The following DLGAP2 variants were observed in gnomAD, a reference collection of about 807,000 sequenced individuals.
The protein encoded by DLGAP2 is disks large-associated protein 2.
In DLGAP2, 26 loss-of-function variants were observed where a neutral mutation model predicts 100.3. The ratio of observed to expected loss-of-function variants is 0.26; its 90% CI spans 0.19 to 0.36. The LOEUF (loss-of-function observed/expected upper bound fraction) is 0.36. Ranked by LOEUF, DLGAP2 falls within the 10% of genes least tolerant of loss-of-function variation. The pLI is 1.00. For synonymous variants in DLGAP2, 886 were observed against 630.1 expected (o/e 1.41, Z -6.08); for missense variants, 1,858 against 1,453.2 (o/e 1.28, Z -4.53).
chr8:1,342,225 G>T (rs1184053404), intron 3 of DLGAP2, among the ~76,000 whole-genome samples: 1 of 152,106 alleles, frequency 6.6e-6, no homozygotes, highest in Non-Finnish European at 1.5e-5. Context: ...GGGATTACAG[G>T]TGTGAGCCAC....
Position 1,352,291 on chromosome 8 carries a change from AG to A in DLGAP2, c.106+93409del, listed in dbSNP as rs1446895190. ...GTGTGGAAAGGACGTGCGGGTCCTG[AG>A]CGTGTGTGTGGAAAGGCCGTGCGGG... is the stretch of plus-strand genomic sequence containing the variant. On this transcript the variant is annotated intron_variant, in intron 3 of 14. Coordinates refer to ENST00000637795, the MANE Select transcript of DLGAP2 (RefSeq NM_001346810.2). Among the ~76,000 whole-genome samples the A allele has an allele frequency of 3.5e-3, 129 of 37,076 alleles. 5 individuals carry two copies. Among genetic ancestry groups the A allele is most frequent in the African/African-American group, 9.5e-3 (98 of 10,336 alleles). The allele number at this position is 37,076 out of a possible 152,430, so 24.3% of individuals were successfully genotyped here.
chr8:1,231,707 TA>T (rs1431608055), intron 2 of DLGAP2, among the ~76,000 whole-genome samples: 2 of 152,184 alleles, frequency 1.3e-5, no homozygotes, highest in Non-Finnish European at 2.9e-5. Context: ...GTCATTATAC[TA>T]AAAGAACTAA....
intron 2 of DLGAP2, among the ~76,000 whole-genome samples, chr8:1,042,196 C>G (rs879331031): frequency 4.6e-5 from 7 of 152,166 alleles, no homozygotes; most frequent in Non-Finnish European, 7.3e-5. Context: ...CCTTGTCCGG[C>G]TTTCCCAGGG....
chr8:1,527,393 C>T (rs1800830700), intron 4 of DLGAP2, among the ~76,000 whole-genome samples: 1 of 152,226 alleles, frequency 6.6e-6, no homozygotes, highest in Non-Finnish European at 1.5e-5. Context: ...CAAGCTCCCG[C>T]TTCTCACGTG....
At chr8:1,121,900 C>G (rs1272482758) in intron 2 of DLGAP2, among the ~76,000 whole-genome samples, 1 of 152,200 alleles carries the variant, frequency 6.6e-6, no homozygotes, top group Non-Finnish European at 1.5e-5. Flanking sequence ...GAGCATCTGT[C>G]CTATTTTGGC....
intron 2 of DLGAP2, among the ~76,000 whole-genome samples, chr8:960,682 T>C (rs1022357351): frequency 6.6e-6 from 1 of 152,242 alleles, no homozygotes; most frequent in Non-Finnish European, 1.5e-5. Flanking sequence ...TACTGGAAAT[T>C]GGACATACAT....
intron 3 of DLGAP2, among the ~76,000 whole-genome samples, chr8:1,443,379 A>G (rs1797894501): frequency 6.6e-6 from 1 of 150,818 alleles, no homozygotes; most frequent in Non-Finnish European, 1.5e-5. Flanking sequence ...TAACATTTGG[A>G]TGTTAATACT....
At position 1,678,822 on chromosome 8, in the gene DLGAP2, G is replaced by A. The variant is rs949821134; in HGVS notation, c.2704+193G>A. On this transcript the variant is annotated intron_variant, in intron 12 of 14. Transcript: ENST00000637795. ...ACATGAAAAGAGAAGCAGTCACTAC[G>A]ATATCGAAGGAAAATTGTGTGTGTT... The A allele has an allele frequency of 2.1e-5, 12 of 576,882 alleles. 1 individual carries two copies. The highest frequency in any genetic ancestry group is 1.3e-4 in the African/African-American group (7 of 52,162). 35.7% of individuals were successfully genotyped at this position (576,882 alleles called of 1,614,324 possible).
intron 1 of DLGAP2, among the ~76,000 whole-genome samples, chr8:784,416 G>C (rs1240779615): frequency 6.6e-6 from 1 of 152,166 alleles, no homozygotes; most frequent in Non-Finnish European, 1.5e-5. Flanking sequence ...TGTTACAGTA[G>C]GATATGGTTC....
intron 2 of DLGAP2, among the ~76,000 whole-genome samples, chr8:1,156,503 C>T (rs564561409): frequency 6.6e-6 from 1 of 152,326 alleles, no homozygotes; most frequent in African/African-American, 2.4e-5. Context: ...ACCCGTCACA[C>T]AAGAAGTCAG....
intron 2 of DLGAP2, among the ~76,000 whole-genome samples, chr8:984,608 A>G (rs1800434569): frequency 6.6e-6 from 1 of 152,174 alleles, no homozygotes; most frequent in Non-Finnish European, 1.5e-5. Context: ...AGCTCTTGAC[A>G]CATCTGCCAC....
chr8:805,942 G>A (rs1796260301), intron 1 of DLGAP2, among the ~76,000 whole-genome samples: 1 of 152,214 alleles, frequency 6.6e-6, no homozygotes, highest in Non-Finnish European at 1.5e-5. Flanking sequence ...ACCACATTCT[G>A]AATTTCAACT....
chr8:1,619,154 G>C (rs907592115), intron 6 of DLGAP2, among the ~76,000 whole-genome samples: 1 of 152,154 alleles, frequency 6.6e-6, no homozygotes, highest in Admixed American at 6.5e-5. Context: ...AAACAAGAAC[G>C]TAAAGACAAC....
intron 6 of DLGAP2, among the ~76,000 whole-genome samples, chr8:1,577,935 G>A (rs1291006721): frequency 1.3e-5 from 2 of 152,222 alleles, no homozygotes; most frequent in Non-Finnish European, 2.9e-5. Flanking sequence ...AGCTGCCAGA[G>A]GCAAGGTGTG....
intron 2 of DLGAP2, among the ~76,000 whole-genome samples, chr8:1,026,913 T>C (rs1478029367): frequency 6.6e-6 from 1 of 152,224 alleles, no homozygotes; most frequent in Non-Finnish European, 1.5e-5. Context: ...TCGCTAAACA[T>C]TGGGAATATG....
At chr8:1,383,538 C>T (rs1184288110) in intron 3 of DLGAP2, among the ~76,000 whole-genome samples, 15 of 152,158 alleles carry the variant, frequency 9.9e-5, no homozygotes, top group Admixed American at 5.9e-4. Context: ...CAGTTGGCGA[C>T]GTTACCGGTC....
chr8:769,748 C>T (rs574334631), intron 1 of DLGAP2, among the ~76,000 whole-genome samples: 3 of 152,164 alleles, frequency 2.0e-5, no homozygotes, highest in Non-Finnish European at 4.4e-5. Flanking sequence ...ACACGAGCCT[C>T]TTGCGTTCCC....
chr8:1,314,965 GACCTAT>G (rs2117022395), intron 3 of DLGAP2, among the ~76,000 whole-genome samples: 1 of 152,314 alleles, frequency 6.6e-6, no homozygotes, highest in Admixed American at 6.5e-5. Context: ...CTGAAAGGGT[GACCTAT>G]CCCAGCAGTT....
rs117661337 is a variant in DLGAP2, at chr8:1,235,045, A to G, written c.74-23806A>G. Among the ~76,000 whole-genome samples the G allele has an allele frequency of 5.3e-4, 79 of 149,922 alleles. 2 individuals are homozygous for G. The highest frequency in any genetic ancestry group is 1.3e-3 in the African/African-American group (51 of 40,712). The stretch of plus-strand genomic sequence containing the variant: ...GTCTAATTCTCTCTCACATGGCGCC[A>G]TGTCTAGTTCTCTCACATGGCATCG... On this transcript the variant is annotated intron_variant, in intron 2 of 14. Coordinates refer to ENST00000637795, the MANE Select transcript of DLGAP2 (RefSeq NM_001346810.2).
Sources: gnomAD v4.1 joint callset for allele counts (sites outside exome capture counted in the v4.1 genomes callset) on GRCh38, gnomAD v4.1.1 for gene constraint, MANE v1.5 for transcripts, NCBI Gene and HGNC (gene_info 2026-07-23, HGNC 2026-07-21) for gene names.